PCCA: variants seen among roughly 807,000 people sequenced by gnomAD.
PCCA encodes propionyl-CoA carboxylase alpha chain, mitochondrial.
PCCA carries 74 observed loss-of-function variants against 101.3 expected under a neutral mutation model. That is an observed-to-expected ratio of 0.73 (90% CI 0.61 to 0.89). The LOEUF is 0.89. PCCA is among the 40% of genes least tolerant of loss of function. The pLI, the probability that PCCA is intolerant of heterozygous loss-of-function variation, is 0.00. For synonymous variants in PCCA, 294 were observed against 313.6 expected (o/e 0.94, Z 0.66); for missense variants, 891 against 907.0 (o/e 0.98, Z 0.23).
At chr13:100,527,940 G>A (rs550698293) in intron 23 of PCCA, among the ~76,000 whole-genome samples, 188 bp downstream of exon 23, 4 of 152,300 alleles carry the variant, frequency 2.6e-5, no homozygotes, top group South Asian at 2.1e-4. Flanking sequence ...CGTAGAGAGC[G>A]TGGCTTCCAA....
intron 5 of PCCA, among the ~76,000 whole-genome samples, chr13:100,156,113 GC>G (rs1174201396): frequency 6.6e-6 from 1 of 152,082 alleles, no homozygotes; most frequent in Non-Finnish European, 1.5e-5. Flanking sequence ...TGTTGCCCAG[GC>G]CAGAGTGCGA....
intron 7 of PCCA, among the ~76,000 whole-genome samples, chr13:100,213,888 A>G (rs1409500650): frequency 1.3e-5 from 2 of 152,080 alleles, no homozygotes; most frequent in Admixed American, 6.6e-5. Flanking sequence ...TTTTCAATCC[A>G]TTTTGATTTG....
At chr13:100,321,005 C>G (rs181481035) in intron 16 of PCCA, among the ~76,000 whole-genome samples, 1 of 151,774 alleles carries the variant, frequency 6.6e-6, no homozygotes, top group African/African-American at 2.4e-5. Context: ...CTCAGCCTCC[C>G]AAAGGGCTGG....
chr13:100,107,620 A>G (rs560861542), intron 2 of PCCA, among the ~76,000 whole-genome samples: 96 of 152,330 alleles, frequency 6.3e-4, no homozygotes, highest in Non-Finnish European at 1.1e-3. Flanking sequence ...TATTTCTGAC[A>G]TGAATACCTG....
At chr13:100,176,984 A>C (rs1314807258) in intron 6 of PCCA, among the ~76,000 whole-genome samples, 1 of 152,206 alleles carries the variant, frequency 6.6e-6, no homozygotes, top group Admixed American at 6.5e-5. Flanking sequence ...AGTTCTGGTA[A>C]ATCGCTTGCA....
intron 18 of PCCA, among the ~76,000 whole-genome samples, chr13:100,355,200 A>G (rs371552295): frequency 6.6e-6 from 1 of 152,154 alleles, no homozygotes; most frequent in African/African-American, 2.4e-5. Context: ...GAATAAGAGA[A>G]AAAAACCACA....
At chr13:100,240,803 A>G (rs1430493486) in intron 8 of PCCA, among the ~76,000 whole-genome samples, 5 of 152,186 alleles carry the variant, frequency 3.3e-5, no homozygotes, top group Admixed American at 3.3e-4. Flanking sequence ...TATATGTCCC[A>G]TTAAATACTT....
intron 12 of PCCA, among the ~76,000 whole-genome samples, chr13:100,299,115 A>AT (rs1246929188): frequency 6.6e-6 from 1 of 152,080 alleles, no homozygotes; most frequent in Non-Finnish European, 1.5e-5. Context: ...GTTAGTAAGG[A>AT]TTTTACCTTT....
chr13:100,162,303 A>G (rs1433818044), intron 6 of PCCA, among the ~76,000 whole-genome samples: 1 of 152,292 alleles, frequency 6.6e-6, no homozygotes, highest in Middle Eastern at 3.4e-3. Context: ...TTTAATCTTT[A>G]TGACAACTTA....
intron 8 of PCCA, among the ~76,000 whole-genome samples, chr13:100,247,173 G>T (rs577225146): frequency 1.3e-5 from 2 of 150,252 alleles, no homozygotes; most frequent in East Asian, 4.0e-4. Context: ...CTCCCAAAGT[G>T]CTGAGATTAC....
At chr13:100,186,061 A>G (rs1187376263) in intron 6 of PCCA, among the ~76,000 whole-genome samples, 1 of 152,220 alleles carries the variant, frequency 6.6e-6, no homozygotes, top group Admixed American at 6.5e-5. Context: ...CTTTGATTTC[A>G]GTCTTACCAT....
chr13:100,400,377 AC>A (rs1305797752), intron 19 of PCCA, among the ~76,000 whole-genome samples: 2 of 152,096 alleles, frequency 1.3e-5, no homozygotes, highest in African/African-American at 4.8e-5. Flanking sequence ...TAAAGTGAGA[AC>A]TACATCACCT....
chr13:100,250,752 A>G (rs1156392829), intron 8 of PCCA, among the ~76,000 whole-genome samples: 1 of 152,120 alleles, frequency 6.6e-6, no homozygotes, highest in Admixed American at 6.5e-5. Context: ...TTTAAAAGGT[A>G]TAGATGTTTA....
At chr13:100,161,213 G>T (rs1313490535) in intron 6 of PCCA, 3 of 152,210 alleles carry the variant, frequency 2.0e-5, no homozygotes, top group African/African-American at 4.8e-5. Flanking sequence ...GTGGCATCCA[G>T]TGTGGGCAAG....
chr13:100,491,623 G>T, intron 21 of PCCA: 1 of 1,298,954 alleles, frequency 7.7e-7, no homozygotes, highest in Non-Finnish European at 1.0e-6. Flanking sequence ...TGGCCAAAGC[G>T]GTGCACTCTT....
intron 12 of PCCA, among the ~76,000 whole-genome samples, chr13:100,286,031 A>G (rs2064606336): frequency 6.6e-6 from 1 of 152,022 alleles, no homozygotes; most frequent in African/African-American, 2.4e-5. Flanking sequence ...ACAAGCTCTA[A>G]TTTTAATAGT....
chr13:100,242,988 C>G (rs1451979852), intron 8 of PCCA, among the ~76,000 whole-genome samples: 1 of 152,136 alleles, frequency 6.6e-6, no homozygotes, highest in African/African-American at 2.4e-5. Context: ...CCTCTGCCTC[C>G]TGGGTTCAAG....
chr13:100,119,315 T>C (rs1204800483), intron 4 of PCCA, among the ~76,000 whole-genome samples: 1 of 152,194 alleles, frequency 6.6e-6, no homozygotes, highest in African/African-American at 2.4e-5. Flanking sequence ...TCATAACATA[T>C]TGTTTCCTCG....
At chr13:100,361,853 A>C (rs1224507094) in intron 18 of PCCA, among the ~76,000 whole-genome samples, 1 of 152,156 alleles carries the variant, frequency 6.6e-6, no homozygotes, top group East Asian at 1.9e-4. Context: ...AATTAAACCT[A>C]CATTTAGCCT....
Sources: gnomAD v4.1 joint callset for allele counts (sites outside exome capture counted in the v4.1 genomes callset) on GRCh38, gnomAD v4.1.1 for gene constraint, MANE v1.5 for transcripts, NCBI Gene and HGNC (gene_info 2026-07-23, HGNC 2026-07-21) for gene names.